Variants in HEMK2 observed in about 807,000 individuals in gnomAD.
HEMK2 encodes the protein HemK methyltransferase 2, ETF1 glutamine and histone H4 lysine.
chr21:28,804,956 T>C, the HEMK2 span, among the ~76,000 whole-genome samples: 1 of 152,256 alleles, frequency 6.6e-6, no homozygotes, highest in Non-Finnish European at 1.5e-5. Flanking sequence ...TGGGTTGTCA[T>C]TAAATATACA....
At chr21:28,628,982 C>T in the HEMK2 span, among the ~76,000 whole-genome samples, 3 of 152,146 alleles carry the variant, frequency 2.0e-5, no homozygotes, top group Non-Finnish European at 2.9e-5. Flanking sequence ...TTGAACTTAC[C>T]TGTTCATAAG....
At chr21:28,885,349 C>T in the HEMK2 span, 3 of 1,555,340 alleles carry the variant, frequency 1.9e-6, no homozygotes. Context: ...CTGCCATAGT[C>T]CTTCGCTGCG....
At chr21:28,771,577 C>A in the HEMK2 span, among the ~76,000 whole-genome samples, 1,350 of 148,142 alleles carry the variant, frequency 9.1e-3, 19 homozygotes, top group African/African-American at 0.032. Flanking sequence ...GATCCAAACA[C>A]CACCTCTAGG....
the HEMK2 span, among the ~76,000 whole-genome samples, chr21:28,788,593 G>A: frequency 1.3e-4 from 20 of 151,758 alleles, no homozygotes; most frequent in Admixed American, 1.1e-3. Context: ...CTCGGGTGGT[G>A]GGTGAGCCAA....
chr21:28,605,835 G>C, the HEMK2 span, among the ~76,000 whole-genome samples: 1 of 152,162 alleles, frequency 6.6e-6, no homozygotes, highest in Non-Finnish European at 1.5e-5. Context: ...GCCATAACTA[G>C]GATGTTTCTA....
chr21:28,602,289 T>C, the HEMK2 span, among the ~76,000 whole-genome samples: 1 of 152,322 alleles, frequency 6.6e-6, no homozygotes, highest in South Asian at 2.1e-4. Flanking sequence ...TATTTAGTCA[T>C]AAAAATGGTT....
At chr21:28,605,381 TAGAG>T in the HEMK2 span, among the ~76,000 whole-genome samples, 25 of 152,358 alleles carry the variant, frequency 1.6e-4, no homozygotes, top group African/African-American at 5.8e-4. Flanking sequence ...CTGCAACAGA[TAGAG>T]AGTGCAGTGG....
At chr21:28,747,838 T>C in the HEMK2 span, among the ~76,000 whole-genome samples, 1 of 152,244 alleles carries the variant, frequency 6.6e-6, no homozygotes, top group Non-Finnish European at 1.5e-5. Context: ...TAAGAGGAAA[T>C]GGCTCTTGGC....
At chr21:28,740,077 G>A in the HEMK2 span, among the ~76,000 whole-genome samples, 7 of 152,052 alleles carry the variant, frequency 4.6e-5, no homozygotes, top group Non-Finnish European at 8.8e-5. Context: ...CTTGATATGC[G>A]TTTTACACAC....
chr21:28,579,133 T>C, the HEMK2 span, among the ~76,000 whole-genome samples: 2 of 152,208 alleles, frequency 1.3e-5, no homozygotes, highest in Non-Finnish European at 2.9e-5. Context: ...TGGATGGTAA[T>C]GCAAGTGATT....
the HEMK2 span, chr21:28,872,224 A>G: frequency 6.6e-6 from 1 of 152,208 alleles, no homozygotes; most frequent in Non-Finnish European, 1.5e-5. Context: ...GGCAAAAGGA[A>G]AGCTCTCCAC....
the HEMK2 span, among the ~76,000 whole-genome samples, chr21:28,637,760 G>C: frequency 6.6e-6 from 1 of 152,166 alleles, no homozygotes; most frequent in East Asian, 1.9e-4. Context: ...TTATGAAAAA[G>C]TGAGACCAGT....
At chr21:28,609,648 GA>G in the HEMK2 span, among the ~76,000 whole-genome samples, 3,131 of 82,790 alleles carry the variant, frequency 0.038, 86 homozygotes, top group East Asian at 0.17. Flanking sequence ...CCAACTTAAA[GA>G]AAAAAAAAAA....
At chr21:28,695,240 C>T in the HEMK2 span, among the ~76,000 whole-genome samples, 1 of 152,070 alleles carries the variant, frequency 6.6e-6, no homozygotes, top group Non-Finnish European at 1.5e-5. Context: ...AATACCATTG[C>T]TATAGTTTGT....
the HEMK2 span, among the ~76,000 whole-genome samples, chr21:28,589,802 A>G: frequency 2.6e-5 from 4 of 152,320 alleles, no homozygotes; most frequent in South Asian, 4.1e-4. Context: ...TTCAAAATCC[A>G]GAATGTTCCA....
the HEMK2 span, among the ~76,000 whole-genome samples, chr21:28,635,569 T>C: frequency 6.6e-6 from 1 of 152,178 alleles, no homozygotes; most frequent in South Asian, 2.1e-4. Context: ...GCTCCATTCA[T>C]TTAAAAACTA....
the HEMK2 span, among the ~76,000 whole-genome samples, chr21:28,802,765 AT>A: frequency 1.3e-5 from 2 of 152,158 alleles, no homozygotes; most frequent in African/African-American, 2.4e-5. Context: ...GAAATGAAAA[AT>A]ATATTTTCTT....
the HEMK2 span, among the ~76,000 whole-genome samples, chr21:28,580,952 G>A: frequency 6.6e-6 from 1 of 152,110 alleles, no homozygotes; most frequent in Non-Finnish European, 1.5e-5. Context: ...AAGCAAATAA[G>A]GGTTTAATAA....
At chr21:28,658,537 T>C in the HEMK2 span, among the ~76,000 whole-genome samples, 1 of 152,118 alleles carries the variant, frequency 6.6e-6, no homozygotes, top group Non-Finnish European at 1.5e-5. Context: ...AGACCTTTGT[T>C]CTGCCTGCAG....
Sources: gnomAD v4.1 joint callset for allele counts (sites outside exome capture counted in the v4.1 genomes callset) on GRCh38, gnomAD v4.1.1 for gene constraint, MANE v1.5 for transcripts, NCBI Gene and HGNC (gene_info 2026-07-23, HGNC 2026-07-21) for gene names.